Variants in MSI2 observed in about 807,000 individuals in gnomAD.
MSI2 encodes the protein musashi RNA binding protein 2, also known as RNA-binding protein Musashi homolog 2.
MSI2 carries 17 observed loss-of-function variants against 45.6 expected under a neutral mutation model. The observed-to-expected ratio is 0.37, with a 90% CI of 0.26 to 0.56. MSI2 has a LOEUF of 0.56. MSI2 is among the 20% of genes least tolerant of loss of function. MSI2 has a pLI of 0.77. For missense variants in MSI2, 293 were observed against 444.2 expected (o/e 0.66, Z 3.06); for synonymous variants, 156 against 158.2 (o/e 0.99, Z 0.11).
At chr17:57,536,056 T>C (rs1233813387) in intron 7 of MSI2, among the ~76,000 whole-genome samples, 1 of 151,564 alleles carries the variant, frequency 6.6e-6, no homozygotes, top group Non-Finnish European at 1.5e-5. Flanking sequence ...GCCTAAGAAT[T>C]GCACTGTCAT....
At chr17:57,616,259 G>GT (rs1907680932) in intron 9 of MSI2, 175 bp downstream of exon 9, 1 of 578,926 alleles carries the variant, frequency 1.7e-6, no homozygotes, top group Non-Finnish European at 3.1e-6. Context: ...ATGATTAAGT[G>GT]TGGGTGTGTG....
chr17:57,313,074 G>A (rs1442876570), intron 5 of MSI2, among the ~76,000 whole-genome samples: 2 of 152,058 alleles, frequency 1.3e-5, no homozygotes, highest in Non-Finnish European at 2.9e-5. Flanking sequence ...CTTGATCTCT[G>A]GACCTCGTGA....
Position 57,552,887 on chromosome 17 carries a change from T to C in MSI2, c.454+23163T>C, listed in dbSNP as rs1346988177. Among the ~76,000 whole-genome samples, 1 of 151,880 alleles carries C rather than the reference T, an allele frequency of 6.6e-6. No individual in the cohort carries two copies. The highest frequency in any genetic ancestry group is 1.5e-5 in the Non-Finnish European group (1 of 67,958). On this transcript the variant is annotated intron_variant, in intron 7 of 13. Transcript: ENST00000284073. The surrounding 1 kb of genome is among the most constrained non-coding windows in gnomAD (Gnocchi z 4.3). The stretch of plus-strand genomic sequence containing the variant: ...ATCACTGCCCCTAGAATTCACAGAG[T>C]GGAAGAACCAAGCTTTTTAGGGCTG...
At chr17:57,263,441 A>G (rs1907501658) in intron 5 of MSI2, 1 of 152,178 alleles carries the variant, frequency 6.6e-6, no homozygotes, top group African/African-American at 2.4e-5. Context: ...AATTGCCCTT[A>G]TTGTTTTAGT....
chr17:57,401,523 C>A, intron 6 of MSI2, 52 bp downstream of exon 6: 1 of 1,449,128 alleles, frequency 6.9e-7, no homozygotes, highest in Non-Finnish European at 9.7e-7. Context: ...CCTCATCAGT[C>A]CTAAGAAGAG....
intron 7 of MSI2, among the ~76,000 whole-genome samples, chr17:57,580,703 T>G (rs1377139835): frequency 6.6e-6 from 1 of 152,194 alleles, no homozygotes; most frequent in East Asian, 1.9e-4. Context: ...GAGGCTTCAA[T>G]AAACCCCTCT....
intron 7 of MSI2, among the ~76,000 whole-genome samples, chr17:57,537,355 G>C (rs1402417624): frequency 1.3e-5 from 2 of 152,188 alleles, no homozygotes; most frequent in East Asian, 3.9e-4. Flanking sequence ...CAGCGATGGA[G>C]GGCAAAGGAG....
chr17:57,409,002 C>A (rs971402904), intron 6 of MSI2, among the ~76,000 whole-genome samples: 6 of 151,594 alleles, frequency 4.0e-5, no homozygotes, highest in Non-Finnish European at 7.4e-5. Flanking sequence ...TCTCTGTAGA[C>A]CGGCCAGATT....
At chr17:57,294,412 G>C (rs1212037621) in intron 5 of MSI2, among the ~76,000 whole-genome samples, 1 of 152,146 alleles carries the variant, frequency 6.6e-6, no homozygotes, top group Non-Finnish European at 1.5e-5. Flanking sequence ...GGCACTGTTG[G>C]GGGTGAGTTT....
chr17:57,634,644 C>T (rs1909702614), intron 10 of MSI2, among the ~76,000 whole-genome samples: 1 of 152,132 alleles, frequency 6.6e-6, no homozygotes, highest in Non-Finnish European at 1.5e-5. Context: ...CATGCTTAGA[C>T]ATTGAATCAG....
intron 6 of MSI2, among the ~76,000 whole-genome samples, chr17:57,404,976 A>C (rs4794728): frequency 0.9 from 136,897 of 152,052 alleles, 63,456 homozygotes; most frequent in East Asian, 1. Flanking sequence ...TGAGGTTAAC[A>C]GCTAACAGGT....
intron 11 of MSI2, among the ~76,000 whole-genome samples, chr17:57,654,526 G>A (rs148825914): frequency 1.6e-3 from 241 of 152,228 alleles, no homozygotes; most frequent in African/African-American, 4.7e-3. Context: ...TCTGAATTTC[G>A]AAGACCACAA....
At chr17:57,582,824 T>A (rs2088240084) in intron 7 of MSI2, among the ~76,000 whole-genome samples, 1 of 152,270 alleles carries the variant, frequency 6.6e-6, no homozygotes, top group African/African-American at 2.4e-5. Context: ...ATGTTTTTTT[T>A]CAAATGAATC....
At chr17:57,648,132 C>CGTGT (rs765039915) in intron 10 of MSI2, among the ~76,000 whole-genome samples, 10,185 of 116,124 alleles carry the variant, frequency 0.088, 448 homozygotes, top group Non-Finnish European at 0.1. Context: ...CTGGCTAATT[C>CGTGT]GTGTGTGTGT....
chr17:57,433,109 G>A (rs1454507214), intron 6 of MSI2, among the ~76,000 whole-genome samples: 2 of 152,092 alleles, frequency 1.3e-5, no homozygotes, highest in Non-Finnish European at 2.9e-5. Context: ...CCTCCCTTTC[G>A]AGAAAGGATT....
intron 5 of MSI2, among the ~76,000 whole-genome samples, chr17:57,360,467 A>G (rs917320570): frequency 6.6e-6 from 1 of 152,230 alleles, no homozygotes; most frequent in African/African-American, 2.4e-5. Flanking sequence ...CAAGGGCTCC[A>G]GGTTCCACTT....
At chr17:57,432,407 G>A (rs2084613668) in intron 6 of MSI2, among the ~76,000 whole-genome samples, 1 of 152,198 alleles carries the variant, frequency 6.6e-6, no homozygotes, top group African/African-American at 2.4e-5. Flanking sequence ...CATTTCTCTA[G>A]TGGTTCCCAG....
chr17:57,428,659 T>C (rs1197086331), intron 6 of MSI2, among the ~76,000 whole-genome samples: 3 of 152,212 alleles, frequency 2.0e-5, no homozygotes, highest in Non-Finnish European at 4.4e-5. Flanking sequence ...GTAATCCTTC[T>C]AGAGGCACAC....
At chr17:57,645,677 GGTA>G (rs1056200756) in intron 10 of MSI2, among the ~76,000 whole-genome samples, 1 of 151,788 alleles carries the variant, frequency 6.6e-6, no homozygotes, top group African/African-American at 2.4e-5. Context: ...CCTGACCTCA[GGTA>G]GTCCTCCCGC....
Sources: allele counts gnomAD v4.1 joint callset (sites outside exome capture counted in the v4.1 genomes callset), GRCh38; gene constraint gnomAD v4.1.1; non-coding constraint Gnocchi (gnomAD v3.1); transcripts MANE v1.5; gene names NCBI Gene and HGNC (gene_info 2026-07-23, HGNC 2026-07-21).